Variants in VPS41 observed in about 807,000 individuals in gnomAD.
VPS41 encodes the protein VPS41 subunit of HOPS complex.
VPS41 carries 85 observed loss-of-function variants against 130.9 expected under a neutral mutation model. The ratio of observed to expected loss-of-function variants is 0.65; its 90% CI spans 0.55 to 0.78. The LOEUF (loss-of-function observed/expected upper bound fraction) is 0.78. VPS41 is among the 30% of genes least tolerant of loss of function. VPS41 has a pLI of 0.00. For missense variants in VPS41, 874 were observed against 1,018.7 expected, an observed-to-expected ratio of 0.86 and a Z score of 1.93; for synonymous variants, 335 against 332.9, an observed-to-expected ratio of 1.01 and a Z score of -0.07.
intron 7 of VPS41, among the ~76,000 whole-genome samples, chr7:38,797,869 A>G (rs1784651681): frequency 6.6e-6 from 1 of 152,214 alleles, no homozygotes; most frequent in Non-Finnish European, 1.5e-5. Context: ...CACAAAATAA[A>G]ATCCCTAAAA....
intron 3 of VPS41, 132 bp downstream of exon 3, chr7:38,869,014 G>A (rs1288537606): frequency 1.6e-6 from 1 of 644,372 alleles, no homozygotes; most frequent in African/African-American, 1.8e-5. Flanking sequence ...TGTTGGCAAG[G>A]AGGAAGAGAG....
chr7:38,815,876 C>T (rs184963249), intron 7 of VPS41, among the ~76,000 whole-genome samples: 3 of 151,952 alleles, frequency 2.0e-5, no homozygotes, highest in East Asian at 1.9e-4. Flanking sequence ...TGGCCTATTG[C>T]GGGACCTCAT....
At chr7:38,837,381 G>A (rs1785517688) in intron 4 of VPS41, among the ~76,000 whole-genome samples, 2 of 152,162 alleles carry the variant, frequency 1.3e-5, no homozygotes, top group African/African-American at 4.8e-5. Flanking sequence ...TAAAAATCCT[G>A]AACACTGAGG....
At chr7:38,869,320 A>G (rs1442385733) in intron 2 of VPS41, 67 bp from the exon 3 acceptor site, 13 of 1,082,366 alleles carry the variant, frequency 1.2e-5, no homozygotes, top group African/African-American at 1.6e-5. Flanking sequence ...CTCAAAACAC[A>G]CTTCTTACGA....
At chr7:38,836,540 G>A (rs1785497168) in intron 4 of VPS41, among the ~76,000 whole-genome samples, 1 of 152,070 alleles carries the variant, frequency 6.6e-6, no homozygotes, top group African/African-American at 2.4e-5. Context: ...TGATTTATAA[G>A]AAGTAATTAT....
At chr7:38,774,317 C>A in intron 11 of VPS41, 73 bp from the exon 12 acceptor site, 1 of 1,366,560 alleles carries the variant, frequency 7.3e-7, no homozygotes, top group Non-Finnish European at 9.7e-7. Flanking sequence ...TTCTAGTTAG[C>A]CATACATATT....
At chr7:38,789,296 G>C (rs563247487) in intron 10 of VPS41, among the ~76,000 whole-genome samples, 1 of 152,150 alleles carries the variant, frequency 6.6e-6, no homozygotes, top group Non-Finnish European at 1.5e-5. Flanking sequence ...CCCGTGACAA[G>C]TGCTAGAAAG....
At chr7:38,811,210 C>T (rs370728718) in intron 7 of VPS41, among the ~76,000 whole-genome samples, 21 of 152,126 alleles carry the variant, frequency 1.4e-4, no homozygotes, top group South Asian at 4.2e-4. Context: ...AAACAAAACA[C>T]GCTAATGTCA....
At chr7:38,763,066 A>G (rs145034857) in intron 17 of VPS41, among the ~76,000 whole-genome samples, 3 of 152,306 alleles carry the variant, frequency 2.0e-5, no homozygotes, top group African/African-American at 7.2e-5. Context: ...GAAAATTATA[A>G]CATACTTCAG....
rs1321942961 is a variant in VPS41 at position 38,765,594 on chromosome 7, T to C, written c.1315A>G (p.Ile439Val). The C allele has an allele frequency of 6.3e-7, 1 of 1,598,414 alleles. No homozygotes were observed. Among genetic ancestry groups the C allele is most frequent in the Non-Finnish European group, 8.5e-7 (1 of 1,175,204 alleles). Residue 439 changes from isoleucine (I) to valine (V), a missense_variant, in exon 16 of 29, where the codon ATT becomes GTT. Physicochemically the swap from Ile to Val is conservative, Grantham distance 29. Transcript: ENST00000310301. Reference protein sequence around the residue: ...WEYEVYKFKEIGQLKAISPYL... With the variant: ...WEYEVYKFKEVGQLKAISPYL... ...GCTTTGCTTACCTTAAGCTGTCCAA[T>C]TTCTTTAAATTTATAAACTTCATAT...
chr7:38,813,809 TATATAC>T (rs1784989049), intron 7 of VPS41, among the ~76,000 whole-genome samples: 1 of 152,210 alleles, frequency 6.6e-6, no homozygotes, highest in Middle Eastern at 3.2e-3. Context: ...ACTCTCATGT[TATATAC>T]ATATAAACTT....
intron 2 of VPS41, among the ~76,000 whole-genome samples, chr7:38,884,962 C>T (rs1160793630): frequency 6.7e-6 from 1 of 149,576 alleles, no homozygotes; most frequent in African/African-American, 2.5e-5. Context: ...TAATTTGATG[C>T]TTACATTGCA....
At chr7:38,820,353 T>C (rs1785147953) in intron 6 of VPS41, among the ~76,000 whole-genome samples, 1 of 152,168 alleles carries the variant, frequency 6.6e-6, no homozygotes, top group South Asian at 2.1e-4. Context: ...CATCAGACCC[T>C]ATCTCTCCTT....
intron 5 of VPS41, among the ~76,000 whole-genome samples, chr7:38,823,054 T>C (rs942735681): frequency 1.3e-5 from 2 of 152,190 alleles, no homozygotes; most frequent in African/African-American, 4.8e-5. Flanking sequence ...GGCTTTGCTA[T>C]GGTCTGAATG....
chr7:38,851,862 G>T (rs1785862912), intron 4 of VPS41, among the ~76,000 whole-genome samples: 1 of 152,122 alleles, frequency 6.6e-6, no homozygotes, highest in Non-Finnish European at 1.5e-5. Context: ...GGTATATTTA[G>T]TGGTATGCAT....
intron 2 of VPS41, among the ~76,000 whole-genome samples, chr7:38,886,219 G>A (rs1410693656): frequency 6.6e-6 from 1 of 152,114 alleles, no homozygotes; most frequent in Admixed American, 6.5e-5. Context: ...CCTCACAAAA[G>A]GGGTCGGGGG....
chr7:38,776,734 G>C lies in VPS41; in HGVS notation c.827C>G (p.Pro276Arg). Residue 276 changes from proline to arginine, a missense_variant, in exon 11 of 29, where the codon CCT becomes CGT. Pro to Arg is a moderately radical substitution (Grantham distance 103). Transcript: ENST00000310301. ...AAGTACAACAAGCTGATCACAGAGA[G>C]GTGCAAGTCCACTGATGTAGAATTC... is the stretch of plus-strand genomic sequence containing the variant. ...ETEFYISGLA[P>R]LCDQLVVLSY... The C allele has an allele frequency of 6.2e-7, 1 of 1,612,170 alleles. No homozygotes were observed. The highest frequency in any genetic ancestry group is 8.5e-7 in the Non-Finnish European group (1 of 1,178,574).
In VPS41 at chr7:38,902,952, C is replaced by T. The variant is rs543019704; in HGVS notation, c.22-4823G>A. Reference sequence around the variant, plus strand: ...CTGTGGATAAACCCAAAGGCTTTGCCTTCTTTGTCTCCCAGTATCCTACTG... The same window carrying T: ...CTGTGGATAAACCCAAAGGCTTTGCTTTCTTTGTCTCCCAGTATCCTACTG... On this transcript the variant is annotated intron_variant, in intron 1 of 28. Transcript: ENST00000310301. Among the ~76,000 whole-genome samples, 3 of 152,314 alleles carry T rather than the reference C, an allele frequency of 2.0e-5. No individual in the cohort carries two copies. The South Asian group carries it at 6.2e-4, about 32-fold the overall frequency.
chr7:38,807,419 G>T (rs573080490), intron 7 of VPS41, among the ~76,000 whole-genome samples: 6 of 151,760 alleles, frequency 4.0e-5, no homozygotes, highest in Admixed American at 3.9e-4. Flanking sequence ...GGTCGAGGGG[G>T]ATCCAAAAGG....
Sources: gnomAD v4.1 joint callset for allele counts (sites outside exome capture counted in the v4.1 genomes callset) on GRCh38, gnomAD v4.1.1 for gene constraint, MANE v1.5 for transcripts, NCBI Gene and HGNC (gene_info 2026-07-23, HGNC 2026-07-21) for gene names.